The following ARL15 variants were observed in gnomAD, a reference collection of about 807,000 sequenced individuals.
The protein encoded by ARL15 is ADP-ribosylation factor-like protein 15.
In ARL15, 19 loss-of-function variants were observed where a neutral mutation model predicts 25.2. That is an observed-to-expected ratio of 0.75 (90% CI 0.53 to 1.10). The LOEUF is 1.10. Ranked by LOEUF, ARL15 falls within the 50% of genes least tolerant of loss-of-function variation. ARL15 has a pLI of 0.00. For synonymous variants in ARL15, 94 were observed against 86.8 expected (o/e 1.08, Z -0.46); for missense variants, 220 against 246.0 (o/e 0.89, Z 0.71).
intron 4 of ARL15, among the ~76,000 whole-genome samples, chr5:53,916,602 G>C (rs1266298378): frequency 6.6e-6 from 1 of 152,148 alleles, no homozygotes; most frequent in East Asian, 1.9e-4. Context: ...ACAGGGGCAG[G>C]TGACATGTTC....
intron 1 of ARL15, among the ~76,000 whole-genome samples, chr5:54,302,618 C>T (rs920138383): frequency 6.7e-6 from 1 of 150,152 alleles, no homozygotes; most frequent in Admixed American, 6.7e-5. Flanking sequence ...GAAATCTGAA[C>T]TGGCCTTATA....
chr5:54,078,494 A>G (rs1207167440), intron 4 of ARL15, among the ~76,000 whole-genome samples: 1 of 152,222 alleles, frequency 6.6e-6, no homozygotes, highest in African/African-American at 2.4e-5. Context: ...TTAAATTTCT[A>G]TTTAGACACA....
chr5:54,202,195 G>T (rs559784535), intron 1 of ARL15, among the ~76,000 whole-genome samples: 1 of 152,242 alleles, frequency 6.6e-6, no homozygotes, highest in East Asian at 1.9e-4. Context: ...ATGTATTTGT[G>T]TGATACAGTA....
chr5:54,171,426 C>T (rs27776), intron 2 of ARL15, among the ~76,000 whole-genome samples: 32,007 of 151,928 alleles, frequency 0.21, 4,084 homozygotes, highest in East Asian at 0.68. Flanking sequence ...GAGTGTGTGG[C>T]CAAGAAACAT....
At chr5:54,159,620 C>A (rs1159114362) in intron 2 of ARL15, among the ~76,000 whole-genome samples, 4 of 152,194 alleles carry the variant, frequency 2.6e-5, no homozygotes, top group African/African-American at 9.7e-5. Context: ...ACGGTTAAGT[C>A]TCCCCAGGCT....
chr5:54,207,330 A>T (rs1467947724), intron 1 of ARL15, among the ~76,000 whole-genome samples: 2 of 152,188 alleles, frequency 1.3e-5, no homozygotes, highest in Non-Finnish European at 2.9e-5. Flanking sequence ...CTTCACCCCC[A>T]ATGTTACCTC....
chr5:54,007,599 G>A (rs1749085970), intron 4 of ARL15, among the ~76,000 whole-genome samples: 2 of 152,112 alleles, frequency 1.3e-5, no homozygotes, highest in Admixed American at 1.3e-4. Flanking sequence ...ATGAGCTCAG[G>A]AGTTCGAGAC....
intron 4 of ARL15, among the ~76,000 whole-genome samples, chr5:54,096,672 T>C (rs775275807): frequency 5.9e-5 from 9 of 152,166 alleles, no homozygotes; most frequent in Admixed American, 2.0e-4. Context: ...TGGCCTCCCA[T>C]GTGCTGGGAT....
chr5:54,084,332 T>C (rs1480621827), intron 4 of ARL15, among the ~76,000 whole-genome samples: 1 of 151,610 alleles, frequency 6.6e-6, no homozygotes, highest in Non-Finnish European at 1.5e-5. Flanking sequence ...GTAAGACTAT[T>C]CTTGGGCTCA....
chr5:53,915,273 C>G (rs1212646435), intron 4 of ARL15, among the ~76,000 whole-genome samples: 1 of 152,140 alleles, frequency 6.6e-6, no homozygotes, highest in East Asian at 1.9e-4. Flanking sequence ...TTTATTAATT[C>G]AGTTTGTTGG....
intron 1 of ARL15, among the ~76,000 whole-genome samples, chr5:54,182,740 A>G (rs1755097897): frequency 6.6e-6 from 1 of 152,170 alleles, no homozygotes; most frequent in Non-Finnish European, 1.5e-5. Context: ...TACCTTGGGC[A>G]GTATGGCTAT....
intron 1 of ARL15, among the ~76,000 whole-genome samples, chr5:54,283,875 A>G (rs1300127195): frequency 6.6e-6 from 1 of 152,194 alleles, no homozygotes; most frequent in Non-Finnish European, 1.5e-5. Context: ...CTTAAAGGGA[A>G]CTGACTCTGA....
intron 2 of ARL15, among the ~76,000 whole-genome samples, chr5:54,162,873 C>T (rs978404999): frequency 6.6e-6 from 1 of 152,156 alleles, no homozygotes; most frequent in Non-Finnish European, 1.5e-5. Context: ...TATTCTTTCA[C>T]AAAATGAAAG....
Position 53,978,622 on chromosome 5 carries a change from C to CAAAAAAAAAA in ARL15, c.463-91919_463-91910dup, listed in dbSNP as rs147288475. 6.9e-4 allele frequency among the ~76,000 whole-genome samples: 51 copies of CAAAAAAAAAA among 74,390 alleles called. 1 individual carries two copies. Among genetic ancestry groups the CAAAAAAAAAA allele is most frequent in the East Asian group, 8.0e-4 (2 of 2,502 alleles). The allele number at this position is 74,390 out of a possible 152,430, so 48.8% of individuals were successfully genotyped here. A position where few individuals can be genotyped will look rare whatever the true frequency, so the allele number is the denominator to read the frequency against. ...GCAACACAGGGAGACCCTGTCTCTA[C>CAAAAAAAAAA]AAAAAAAAAAAAAAGAAAAGAAAAG... On this transcript the variant is annotated intron_variant, in intron 4 of 4. Transcript: ENST00000504924.
intron 3 of ARL15, among the ~76,000 whole-genome samples, chr5:54,116,978 A>C (rs1385587879): frequency 1.3e-5 from 2 of 152,218 alleles, no homozygotes; most frequent in Non-Finnish European, 2.9e-5. Context: ...ACATTAATGG[A>C]AATATGTCCA....
intron 1 of ARL15, among the ~76,000 whole-genome samples, chr5:54,302,636 C>T (rs896641052): frequency 4.1e-5 from 6 of 147,624 alleles, no homozygotes; most frequent in African/African-American, 5.0e-5. Flanking sequence ...ATAAATTGTG[C>T]GGCCCAGTGC....
At chr5:54,237,357 C>A (rs955052691) in intron 1 of ARL15, among the ~76,000 whole-genome samples, 1 of 152,172 alleles carries the variant, frequency 6.6e-6, no homozygotes, top group African/African-American at 2.4e-5. Context: ...ATTACCCAGT[C>A]TCTAGTATGT....
chr5:54,007,919 G>C (rs1438663771), intron 4 of ARL15, among the ~76,000 whole-genome samples: 1 of 151,940 alleles, frequency 6.6e-6, no homozygotes, highest in Non-Finnish European at 1.5e-5. Flanking sequence ...AACATCATCA[G>C]TCTCAGGAAA....
intron 4 of ARL15, chr5:54,048,021 G>T (rs1464933767): frequency 6.6e-6 from 1 of 152,178 alleles, no homozygotes; most frequent in Non-Finnish European, 1.5e-5. Flanking sequence ...AGGGGGTAAA[G>T]TTATGTTGCC....
Sources: allele counts gnomAD v4.1 joint callset (sites outside exome capture counted in the v4.1 genomes callset), GRCh38; gene constraint gnomAD v4.1.1; transcripts MANE v1.5; gene names NCBI Gene and HGNC (gene_info 2026-07-23, HGNC 2026-07-21).